TTYH3: variants seen among roughly 807,000 people sequenced by gnomAD.
The protein encoded by TTYH3 is protein tweety homolog 3.
In TTYH3, 23 loss-of-function variants were observed where a neutral mutation model predicts 68.2. The observed-to-expected ratio is 0.34, with a 90% CI of 0.24 to 0.48. The LOEUF (loss-of-function observed/expected upper bound fraction) is 0.48. TTYH3 is among the 20% of genes least tolerant of loss of function. The pLI is 0.99. For missense variants in TTYH3, 768 were observed against 727.7 expected (o/e 1.06, Z -0.64); for synonymous variants, 360 against 332.8 (o/e 1.08, Z -0.89).
At position 2,661,840 on chromosome 7, in the gene TTYH3, C is replaced by T. The variant is rs563570672; in HGVS notation, c.*101C>T. 66 of 1,299,590 alleles carry T rather than the reference C, an allele frequency of 5.1e-5. No homozygotes were observed. The African/African-American group carries it at 8.5e-4, about 17-fold the overall frequency. The allele number at this position is 1,299,590 out of a possible 1,614,324, so 80.5% of individuals were successfully genotyped here. ...ACCCACCGGACCCTCGCACGCCGTG[C>T]CAGGCCTGCCCCAGACGCGTCTGCA... On this transcript the variant is annotated 3_prime_UTR_variant, in exon 14 of 14. Transcript: ENST00000258796.
chr7:2,647,121 TCAC>T lies in TTYH3; in HGVS notation c.294-20_294-18del. 1 of 1,579,010 alleles carries T rather than the reference TCAC, an allele frequency of 6.3e-7. No individual in the cohort carries two copies. Among genetic ancestry groups the T allele is most frequent in the East Asian group, 2.3e-5 (1 of 43,524 alleles). Reference sequence around the variant, plus strand: ...GTGTGTGGGTGGGCGGGGCTACATCTCACGGGCCCGCCCTCTCCAGCGCCGGCA... The same window carrying T: ...GTGTGTGGGTGGGCGGGGCTACATCTGGGCCCGCCCTCTCCAGCGCCGGCA... On this transcript the variant is annotated intron_variant, in intron 2 of 13. Coordinates refer to ENST00000258796, the MANE Select transcript of TTYH3 (RefSeq NM_025250.3).
intron 7 of TTYH3, among the ~76,000 whole-genome samples, chr7:2,650,688 C>T (rs919133702): frequency 3.3e-5 from 5 of 151,942 alleles, no homozygotes; most frequent in African/African-American, 4.8e-5. Flanking sequence ...GGCTGAGTCT[C>T]TGTGGCAAGC....
rs186363745 is a variant in TTYH3, at chr7:2,655,786, C to T, written c.1021-306C>T. 3.8e-3 allele frequency among the ~76,000 whole-genome samples: 581 copies of T among 152,286 alleles called. 2 individuals carry two copies. Among genetic ancestry groups the T allele is most frequent in the Non-Finnish European group, 7.0e-3 (478 of 68,028 alleles). ...CCGTGTCAGTAGACACGTGGGGGTT[C>T]GCTGTTTCTCCCATTACAATAAAGG... On this transcript the variant is annotated intron_variant, in intron 9 of 13. Coordinates refer to ENST00000258796, the MANE Select transcript of TTYH3 (RefSeq NM_025250.3).
At chr7:2,660,212 G>T in intron 13 of TTYH3, 1 of 985,424 alleles carries the variant, frequency 1.0e-6, no homozygotes, top group Non-Finnish European at 1.2e-6. Context: ...TTCTAATGCC[G>T]GCTCTGGGCC....
Position 2,655,273 on chromosome 7 carries a change from G to C in TTYH3, c.1021-819G>C, listed in dbSNP as rs924873255. ...CGATTCTTCTGCCTCAGCCTCCTGA[G>C]TAGCTGGGACTACAGGCGCGTGCCA... is the stretch of plus-strand genomic sequence containing the variant. On this transcript the variant is annotated intron_variant, in intron 9 of 13. Coordinates refer to ENST00000258796, the MANE Select transcript of TTYH3 (RefSeq NM_025250.3). Among the ~76,000 whole-genome samples the C allele has an allele frequency of 5.3e-5, 8 of 152,208 alleles. No homozygotes were observed. In the East Asian group the frequency reaches 1.5e-3, roughly 29 times the overall value.
At chr7:2,656,943 T>G (rs929063653) in intron 11 of TTYH3, among the ~76,000 whole-genome samples, 3 of 152,248 alleles carry the variant, frequency 2.0e-5, no homozygotes, top group Non-Finnish European at 4.4e-5. Flanking sequence ...AGGTTGGTGG[T>G]CCACTGTGCA....
chr7:2,643,505 C>T lies in TTYH3; in HGVS notation c.124-3348C>T, dbSNP rs564319683. On this transcript the variant is annotated intron_variant, in intron 1 of 13. Transcript: ENST00000258796. Reference sequence around the variant, plus strand: ...CTGTGTTCCCTCACCACCCTGCAGGCGGCGCCAAGGGCAAGGGTGCCTGGT... The same window carrying T: ...CTGTGTTCCCTCACCACCCTGCAGGTGGCGCCAAGGGCAAGGGTGCCTGGT... Among the ~76,000 whole-genome samples the T allele has an allele frequency of 9.8e-5, 15 of 152,332 alleles. No individual in the cohort carries two copies. In the South Asian group the frequency reaches 1.0e-3, roughly 11 times the overall value.
intron 1 of TTYH3, among the ~76,000 whole-genome samples, chr7:2,637,938 A>C (rs1402309221): frequency 6.6e-6 from 1 of 152,180 alleles, no homozygotes; most frequent in Non-Finnish European, 1.5e-5. Flanking sequence ...CGGGCCACCC[A>C]CAGAGTGCCA....
intron 9 of TTYH3, among the ~76,000 whole-genome samples, chr7:2,654,123 C>T (rs1313012460): frequency 6.6e-6 from 1 of 152,098 alleles, no homozygotes; most frequent in South Asian, 2.1e-4. Context: ...GGGCCGGGCA[C>T]GGCACTCATG....
chr7:2,656,740 A>G (rs1452387357), intron 11 of TTYH3, among the ~76,000 whole-genome samples: 1 of 152,158 alleles, frequency 6.6e-6, no homozygotes, highest in East Asian at 1.9e-4. Flanking sequence ...CAGGAGGAAA[A>G]CAGCCTGGAG....
At chr7:2,659,808 C>T in intron 13 of TTYH3, 5 of 1,169,542 alleles carry the variant, frequency 4.3e-6, no homozygotes, top group Non-Finnish European at 5.5e-6. Flanking sequence ...GGTGCAGGCC[C>T]AGTCCCGCTC....
At chr7:2,650,091 A>G in intron 7 of TTYH3, 103 bp downstream of exon 7, 4 of 1,226,910 alleles carry the variant, frequency 3.3e-6, no homozygotes, top group African/African-American at 1.5e-5. Context: ...CTGTGGGTCC[A>G]TGGTCTCAGG....
intron 1 of TTYH3, among the ~76,000 whole-genome samples, chr7:2,640,493 C>T (rs898001618): frequency 1.3e-5 from 2 of 152,184 alleles, no homozygotes; most frequent in Non-Finnish European, 2.9e-5. Context: ...AGGCCCAGGT[C>T]CTGCCACCAG....
chr7:2,651,431 C>A (rs1008869539), intron 7 of TTYH3, among the ~76,000 whole-genome samples: 36 of 152,272 alleles, frequency 2.4e-4, no homozygotes, highest in African/African-American at 6.3e-4. Context: ...GCCCGCTCTG[C>A]TAGGGGCGGG....
Position 2,658,959 on chromosome 7 carries a change from C to A in TTYH3, c.1444C>A (p.Gln482Lys). The change falls in exon 13 of 14, where the codon CAG becomes AAG. Residue 482 changes from glutamine (Q) to lysine (K), a missense_variant. Transcript: ENST00000258796. ...TEYMSQNANF[Q>K]NPRCENTPLI... ...CCTCAGGAGCCAGAACGCTAATTTC[C>A]AGAACCCCCGCTGTGAGAACACCCC... The A allele has an allele frequency of 6.2e-7, 1 of 1,614,072 alleles. No individual in the cohort carries two copies. Among genetic ancestry groups the A allele is most frequent in the Non-Finnish European group, 8.5e-7 (1 of 1,179,938 alleles).
chr7:2,633,494 C>T (rs764512765), intron 1 of TTYH3, among the ~76,000 whole-genome samples: 21 of 152,132 alleles, frequency 1.4e-4, no homozygotes, highest in Non-Finnish European at 2.5e-4. Flanking sequence ...GGCGAGGGAT[C>T]GGCCCAGGCA....
At chr7:2,637,840 T>G (rs1466054881) in intron 1 of TTYH3, among the ~76,000 whole-genome samples, 2 of 152,072 alleles carry the variant, frequency 1.3e-5, no homozygotes, top group Non-Finnish European at 2.9e-5. Flanking sequence ...CTCACAGTCT[T>G]GGGAGGCTGG....
Position 2,658,411 on chromosome 7 carries a change from T to C in TTYH3, c.1376T>C (p.Ile459Thr), listed in dbSNP as rs1304802099. ...CGSSYGSETS[I>T]PAAAHTVSNA... is the part of the protein sequence containing the mutation. ...AGCAGCTACGGCAGTGAGACCAGCA[T>C]CCCGGCCGCGGCCCACACCGTCAGC... Residue 459 changes from isoleucine to threonine, a missense_variant, in exon 12 of 14, where the codon ATC (isoleucine) becomes ACC (threonine). Coordinates refer to ENST00000258796, the MANE Select transcript of TTYH3 (RefSeq NM_025250.3). 1 of 1,612,122 alleles carries C rather than the reference T, an allele frequency of 6.2e-7. No individual in the cohort carries two copies. The highest frequency in any genetic ancestry group is 1.3e-5 in the African/African-American group (1 of 74,928).
At chr7:2,651,072 G>A (rs914941191) in intron 7 of TTYH3, among the ~76,000 whole-genome samples, 2 of 152,224 alleles carry the variant, frequency 1.3e-5, no homozygotes, top group South Asian at 4.2e-4. Context: ...GCCCCCTCGG[G>A]AGGTTTGCGA....
Sources: gnomAD v4.1 joint callset for allele counts (sites outside exome capture counted in the v4.1 genomes callset) on GRCh38, gnomAD v4.1.1 for gene constraint, MANE v1.5 for transcripts, NCBI Gene and HGNC (gene_info 2026-07-23, HGNC 2026-07-21) for gene names.